SAMD3: variants seen among roughly 807,000 people sequenced by gnomAD.
SAMD3 encodes the protein sterile alpha motif domain-containing protein 3.
A neutral mutation model predicts 58.5 loss-of-function variants in SAMD3; 63 were observed. The ratio of observed to expected loss-of-function variants is 1.08; its 90% CI spans 0.88 to 1.33. SAMD3 has a LOEUF of 1.33. Among genes scored for constraint, SAMD3 ranks in the 40% most tolerant of loss-of-function variants. SAMD3 has a pLI of 0.00. For synonymous variants in SAMD3, 220 were observed against 210.3 expected (o/e 1.05, Z -0.40); for missense variants, 604 against 608.4 (o/e 0.99, Z 0.08).
chr6:130,292,847 T>C (rs1274301946), intron 2 of SAMD3, among the ~76,000 whole-genome samples: 7 of 148,266 alleles, frequency 4.7e-5, no homozygotes, highest in Admixed American at 4.0e-4. Context: ...CTCGATCTCC[T>C]GACCTCGTGA....
chr6:130,166,413 C>A (rs1034261), intron 8 of SAMD3, among the ~76,000 whole-genome samples: 2 of 152,222 alleles, frequency 1.3e-5, no homozygotes, highest in Admixed American at 1.3e-4. Context: ...GAGATCTCCA[C>A]GTAATGAACC....
chr6:130,286,498 C>T (rs554427496), intron 2 of SAMD3, among the ~76,000 whole-genome samples: 3 of 152,232 alleles, frequency 2.0e-5, no homozygotes, highest in Non-Finnish European at 4.4e-5. Context: ...CCTTCATGTG[C>T]TTTTAACATA....
chr6:130,294,663 C>T (rs1002343587), intron 2 of SAMD3, among the ~76,000 whole-genome samples: 69 of 150,430 alleles, frequency 4.6e-4, no homozygotes, highest in African/African-American at 1.6e-3. Flanking sequence ...TTAGAATGAC[C>T]TCAAAATTAT....
intron 2 of SAMD3, among the ~76,000 whole-genome samples, chr6:130,311,145 A>G (rs4895879): frequency 0.11 from 16,816 of 152,116 alleles, 1,048 homozygotes; most frequent in Admixed American, 0.14. Flanking sequence ...GGAGGGGAGG[A>G]GCTACATTTA....
chr6:130,242,522 G>A (rs1304337564), intron 2 of SAMD3, among the ~76,000 whole-genome samples: 1 of 152,158 alleles, frequency 6.6e-6, no homozygotes, highest in African/African-American at 2.4e-5. Context: ...CATGTGAGAA[G>A]GGAAGTCAAA....
chr6:130,301,033 C>G (rs980000553), intron 2 of SAMD3, among the ~76,000 whole-genome samples: 1 of 152,106 alleles, frequency 6.6e-6, no homozygotes, highest in Non-Finnish European at 1.5e-5. Flanking sequence ...CGTGTTCTCA[C>G]TGTTCAACTC....
intron 2 of SAMD3, among the ~76,000 whole-genome samples, chr6:130,292,266 TC>T (rs66564755): frequency 0.23 from 31,316 of 135,998 alleles, 3,645 homozygotes; most frequent in East Asian, 0.36. Flanking sequence ...TTTTTTTCTT[TC>T]TTTCTTTTTT....
intron 2 of SAMD3, among the ~76,000 whole-genome samples, chr6:130,232,060 A>G (rs1796563539): frequency 6.6e-6 from 1 of 152,144 alleles, no homozygotes; most frequent in Non-Finnish European, 1.5e-5. Flanking sequence ...TGGCTACTGT[A>G]GTAGACATTA....
At chr6:130,209,767 C>A (rs748228288) in intron 4 of SAMD3, among the ~76,000 whole-genome samples, 159 bp from the exon 5 acceptor site, 1 of 152,204 alleles carries the variant, frequency 6.6e-6, no homozygotes, top group Non-Finnish European at 1.5e-5. Context: ...GGAAAGAAGG[C>A]CCCTCTGGCG....
chr6:130,337,665 G>C (rs1777144101), intron 1 of SAMD3, among the ~76,000 whole-genome samples: 1 of 152,228 alleles, frequency 6.6e-6, no homozygotes, highest in Non-Finnish European at 1.5e-5. Flanking sequence ...CAGCAATGTG[G>C]ACAATGAAGC....
chr6:130,168,350 G>A (rs961612404), intron 8 of SAMD3, among the ~76,000 whole-genome samples: 8 of 152,074 alleles, frequency 5.3e-5, no homozygotes, highest in African/African-American at 1.4e-4. Context: ...CAGGAGAATC[G>A]CTTGAATCCA....
intron 1 of SAMD3, among the ~76,000 whole-genome samples, chr6:130,348,149 C>G (rs1777516320): frequency 6.6e-6 from 1 of 152,138 alleles, no homozygotes; most frequent in Admixed American, 6.5e-5. Flanking sequence ...AACATCGAGG[C>G]TAGGAAGAAA....
chr6:130,212,625 A>G (rs931618292), intron 4 of SAMD3, among the ~76,000 whole-genome samples: 2 of 152,262 alleles, frequency 1.3e-5, no homozygotes, highest in African/African-American at 2.4e-5. Context: ...AACATTTAAT[A>G]TAATCAATCC....
intron 5 of SAMD3, among the ~76,000 whole-genome samples, chr6:130,192,710 A>G (rs1051128433): frequency 2.6e-5 from 4 of 152,200 alleles, no homozygotes; most frequent in Non-Finnish European, 5.9e-5. Context: ...GTCGCGCATG[A>G]AATTTGGTGC....
At chr6:130,339,737 T>G (rs529825630) in intron 1 of SAMD3, among the ~76,000 whole-genome samples, 1 of 152,344 alleles carries the variant, frequency 6.6e-6, no homozygotes, top group African/African-American at 2.4e-5. Context: ...TTCTCCTTTC[T>G]AAACTCCTCT....
At chr6:130,310,288 C>T (rs1263549152) in intron 2 of SAMD3, among the ~76,000 whole-genome samples, 1 of 152,142 alleles carries the variant, frequency 6.6e-6, no homozygotes, top group African/African-American at 2.4e-5. Flanking sequence ...TCCTATACTG[C>T]ATTGCCTTTT....
rs549516727 is a variant in SAMD3, at chr6:130,282,960, G to A, written c.-188+30018C>T. On this transcript the variant is annotated intron_variant, in intron 2 of 13. Coordinates refer to the SAMD3 transcript ENST00000368134. ...AACAGACACAGCAATGGGGATAATC[G>A]GAACCCCAAGAATTTCAGCTCCTAG... Among the ~76,000 whole-genome samples, 5 of 152,152 alleles carry A rather than the reference G, an allele frequency of 3.3e-5. No homozygotes were observed. The South Asian group carries it at 6.2e-4, about 19-fold the overall frequency.
chr6:130,318,499 G>A (rs1167025289), intron 1 of SAMD3, among the ~76,000 whole-genome samples: 4 of 152,002 alleles, frequency 2.6e-5, no homozygotes, highest in Non-Finnish European at 5.9e-5. Context: ...TGAGATCTCG[G>A]CTCACTGCAA....
At chr6:130,362,014 C>T (rs1404201080) in intron 1 of SAMD3, among the ~76,000 whole-genome samples, 3 of 152,280 alleles carry the variant, frequency 2.0e-5, no homozygotes, top group South Asian at 2.1e-4. Flanking sequence ...TATTTTAGCC[C>T]GGCTGTTCGG....
Sources: allele counts gnomAD v4.1 joint callset (sites outside exome capture counted in the v4.1 genomes callset), GRCh38; gene constraint gnomAD v4.1.1; transcripts MANE v1.5; gene names NCBI Gene and HGNC (gene_info 2026-07-23, HGNC 2026-07-21).